CEP112: variants seen among roughly 807,000 people sequenced by gnomAD.
CEP112 encodes centrosomal protein 112.
In CEP112, 127 loss-of-function variants were observed where a neutral mutation model predicts 153.0. The observed-to-expected ratio is 0.83, with a 90% CI of 0.72 to 0.96. CEP112 has a LOEUF of 0.96. Ranked by LOEUF, CEP112 falls within the 40% of genes least tolerant of loss-of-function variation. CEP112 has a pLI of 0.00. For missense variants in CEP112, 1,089 were observed against 1,101.2 expected (o/e 0.99, Z 0.16); for synonymous variants, 358 against 374.4 (o/e 0.96, Z 0.51).
At chr17:65,978,147 C>T (rs2145096760) in intron 17 of CEP112, among the ~76,000 whole-genome samples, 1 of 151,814 alleles carries the variant, frequency 6.6e-6, no homozygotes. Context: ...GTCTCAGCCA[C>T]CTGGGAGGCT....
Position 65,743,055 on chromosome 17 carries a change from G to C in CEP112, c.2607+13C>G. 6.3e-7 allele frequency: 1 copy of C among 1,594,418 alleles called. No homozygotes were observed. ...GCAGCTGGTACCACTGGTTACTGAA[G>C]TCTTCAGATTACCTTGATTGCTTGG... is the stretch of plus-strand genomic sequence containing the variant. On this transcript the variant is annotated intron_variant, in intron 23 of 26. Transcript: ENST00000535342.
intron 23 of CEP112, among the ~76,000 whole-genome samples, chr17:65,702,557 A>G (rs1343179233): frequency 6.6e-6 from 1 of 152,224 alleles, no homozygotes; most frequent in Non-Finnish European, 1.5e-5. Context: ...CATAATTTTT[A>G]TCACAGTATA....
chr17:65,938,769 C>G (rs1258045622), intron 18 of CEP112, among the ~76,000 whole-genome samples: 1 of 152,008 alleles, frequency 6.6e-6, no homozygotes, highest in African/African-American at 2.4e-5. Context: ...AATCAACATT[C>G]AAAAATCATC....
At chr17:65,739,606 G>A (rs2051006769) in intron 23 of CEP112, among the ~76,000 whole-genome samples, 1 of 151,880 alleles carries the variant, frequency 6.6e-6, no homozygotes, top group Non-Finnish European at 1.5e-5. Context: ...CGTGGTGGTG[G>A]GCACCTGTAA....
chr17:66,119,710 A>G (rs771793673), intron 6 of CEP112, among the ~76,000 whole-genome samples: 2 of 152,236 alleles, frequency 1.3e-5, no homozygotes, highest in Non-Finnish European at 2.9e-5. Context: ...ATACTTGCAT[A>G]TAAAGTTTTT....
At chr17:66,110,981 G>C (rs533440503) in intron 6 of CEP112, among the ~76,000 whole-genome samples, 4 of 151,998 alleles carry the variant, frequency 2.6e-5, no homozygotes, top group Admixed American at 2.6e-4. Flanking sequence ...CTAATATCCC[G>C]CATCAATAAG....
At chr17:65,863,591 TAA>T (rs945789615) in intron 20 of CEP112, among the ~76,000 whole-genome samples, 2 of 126,578 alleles carry the variant, frequency 1.6e-5, no homozygotes, top group African/African-American at 6.1e-5. Context: ...CCGTCTCTAC[TAA>T]AAATACAAAA....
chr17:65,741,424 A>T (rs1329723018), intron 23 of CEP112, among the ~76,000 whole-genome samples: 1 of 151,726 alleles, frequency 6.6e-6, no homozygotes, highest in African/African-American at 2.4e-5. Flanking sequence ...CTATATTGTA[A>T]TTTTAATATT....
chr17:65,906,803 G>A (rs1428539724), intron 19 of CEP112, among the ~76,000 whole-genome samples: 4 of 152,126 alleles, frequency 2.6e-5, no homozygotes, highest in Non-Finnish European at 4.4e-5. Context: ...TTGCTGTTAT[G>A]ACATTTTGCT....
chr17:65,833,650 C>T (rs938228201), intron 21 of CEP112, among the ~76,000 whole-genome samples: 4 of 151,966 alleles, frequency 2.6e-5, no homozygotes, highest in Admixed American at 2.0e-4. Context: ...TACAGCTAAC[C>T]ACGGAGGTAA....
At chr17:65,671,385 T>C (rs992285144) in intron 24 of CEP112, among the ~76,000 whole-genome samples, 8 of 151,978 alleles carry the variant, frequency 5.3e-5, no homozygotes, top group South Asian at 2.1e-4. Context: ...CCATGATGAG[T>C]GTAAGAGAAA....
intron 8 of CEP112, among the ~76,000 whole-genome samples, chr17:66,080,891 T>C (rs918581958): frequency 6.6e-6 from 1 of 152,116 alleles, no homozygotes; most frequent in Non-Finnish European, 1.5e-5. Flanking sequence ...AAACCATCAT[T>C]CTCAGCAAAC....
chr17:65,754,124 A>G (rs2052065123), intron 21 of CEP112, among the ~76,000 whole-genome samples: 1 of 152,234 alleles, frequency 6.6e-6, no homozygotes, highest in African/African-American at 2.4e-5. Flanking sequence ...AAAGAGAGAG[A>G]GGAAGTGATA....
chr17:65,932,267 T>A (rs2061152564), intron 18 of CEP112, among the ~76,000 whole-genome samples: 1 of 151,688 alleles, frequency 6.6e-6, no homozygotes, highest in Non-Finnish European at 1.5e-5. Flanking sequence ...AAAGTGTCCA[T>A]CCCCACCAAA....
chr17:66,102,620 A>AC (rs1300532023), intron 6 of CEP112, among the ~76,000 whole-genome samples: 1 of 151,346 alleles, frequency 6.6e-6, no homozygotes, highest in East Asian at 2.0e-4. Flanking sequence ...ACATGGTGAA[A>AC]CCCCGTCTCT....
chr17:65,963,800 G>A (rs936558450), intron 17 of CEP112, among the ~76,000 whole-genome samples: 1 of 151,962 alleles, frequency 6.6e-6, no homozygotes, highest in African/African-American at 2.4e-5. Flanking sequence ...TATCGTGCAT[G>A]TTTATTTGTC....
chr17:65,970,026 C>T (rs12940358), intron 17 of CEP112, among the ~76,000 whole-genome samples: 41 of 152,070 alleles, frequency 2.7e-4, no homozygotes, highest in South Asian at 2.7e-3. Context: ...CGAACATGCA[C>T]GCCACATGCA....
chr17:65,781,533 C>G (rs1007124031), intron 21 of CEP112, among the ~76,000 whole-genome samples: 5 of 151,684 alleles, frequency 3.3e-5, no homozygotes, highest in Non-Finnish European at 7.4e-5. Flanking sequence ...AAAAAAAAAG[C>G]CCAAATAACC....
intron 20 of CEP112, among the ~76,000 whole-genome samples, chr17:65,867,945 A>G (rs2146465133): frequency 6.6e-6 from 1 of 152,108 alleles, no homozygotes; most frequent in East Asian, 1.9e-4. Context: ...AAGGGGAAAA[A>G]AAACCCTGAT....
Sources: gnomAD v4.1 joint callset for allele counts (sites outside exome capture counted in the v4.1 genomes callset) on GRCh38, gnomAD v4.1.1 for gene constraint, MANE v1.5 for transcripts, NCBI Gene and HGNC (gene_info 2026-07-23, HGNC 2026-07-21) for gene names.